Variants in DCTN5 observed in about 807,000 individuals in gnomAD.
DCTN5 encodes the protein dynactin subunit 5, also known as dynactin 4.
DCTN5 carries 14 observed loss-of-function variants against 23.5 expected under a neutral mutation model. The ratio of observed to expected loss-of-function variants is 0.60; its 90% CI spans 0.39 to 0.93. The LOEUF is 0.93. DCTN5 is among the 40% of genes least tolerant of loss of function. The pLI is 0.00. For missense variants in DCTN5, 156 were observed against 225.9 expected, an observed-to-expected ratio of 0.69 and a Z score of 1.98; for synonymous variants, 67 against 79.6, an observed-to-expected ratio of 0.84 and a Z score of 0.84.
rs1959229230 is a variant in DCTN5, at chr16:23,676,701, C to G, written c.*9557C>G. ...GTCCATATTTGAGGTTGGTCTCACC[C>G]TTTTGCATGTGGTCCTACTAATAAT... On this transcript the variant is annotated 3_prime_UTR_variant, in exon 6 of 6. Transcript: ENST00000300087. 2 of 152,200 alleles carry G rather than the reference C, an allele frequency of 1.3e-5. No homozygotes were observed. The highest frequency in any genetic ancestry group is 4.8e-5 in the African/African-American group (2 of 41,446). The allele number at this position is 152,200 out of a possible 1,614,324, so 9.4% of individuals were successfully genotyped here. A position where few individuals can be genotyped will look rare whatever the true frequency, so the allele number is the denominator to read the frequency against.
chr16:23,658,371 C>G lies in DCTN5; in HGVS notation c.118-136C>G, dbSNP rs1406423673. Reference sequence around the variant, plus strand: ...TCTCTTTTTACCTTACAATTTATTCCTTTTGGCGGAACATTTGAAACATTC... The same window carrying G: ...TCTCTTTTTACCTTACAATTTATTCGTTTTGGCGGAACATTTGAAACATTC... On this transcript the variant is annotated intron_variant, in intron 2 of 5. Transcript: ENST00000300087. The G allele has an allele frequency of 5.9e-6, 4 of 672,664 alleles. No individual in the cohort carries two copies. The African/African-American group carries it at 7.2e-5, about 12-fold the overall frequency. The allele number at this position is 672,664 out of a possible 1,614,324, so 41.7% of individuals were successfully genotyped here.
intron 2 of DCTN5, among the ~76,000 whole-genome samples, chr16:23,647,561 G>A (rs1225672527): frequency 6.6e-6 from 1 of 151,170 alleles, no homozygotes; most frequent in Non-Finnish European, 1.5e-5. Flanking sequence ...CAGGCTGGAT[G>A]CAATGGTGGA....
intron 2 of DCTN5, among the ~76,000 whole-genome samples, chr16:23,648,673 C>T (rs886297026): frequency 3.2e-4 from 49 of 151,700 alleles, no homozygotes; most frequent in African/African-American, 1.2e-3. Context: ...TTTTAAGGAA[C>T]GTTCATACTG....
At position 23,671,391 on chromosome 16, in the gene DCTN5, A is replaced by T. The variant is rs1247309439; in HGVS notation, c.*4247A>T. 1 of 152,220 alleles carries T rather than the reference A, an allele frequency of 6.6e-6. No individual in the cohort carries two copies. The highest frequency in any genetic ancestry group is 1.5e-5 in the Non-Finnish European group (1 of 68,048). 9.4% of individuals were successfully genotyped at this position (152,220 alleles called of 1,614,324 possible). On this transcript the variant is annotated 3_prime_UTR_variant, in exon 6 of 6. Coordinates refer to ENST00000300087, the MANE Select transcript of DCTN5 (RefSeq NM_032486.4). ...GCATTCTTACATATTTTTAAAATTT[A>T]AAATAAAATTTAAAACATCTTGCCC...
At chr16:23,650,860 A>T (rs1409238014) in intron 2 of DCTN5, 1 of 1,437,974 alleles carries the variant, frequency 7.0e-7, no homozygotes, top group South Asian at 1.2e-5. Flanking sequence ...TGAACAATAG[A>T]GAGTGGTGGG....
At chr16:23,645,133 A>ATT (rs1567228549) in intron 2 of DCTN5, among the ~76,000 whole-genome samples, 25 of 22,396 alleles carry the variant, frequency 1.1e-3, no homozygotes, top group Non-Finnish European at 1.6e-3. Context: ...ATATATATAT[A>ATT]TATATTTTTT....
intron 4 of DCTN5, among the ~76,000 whole-genome samples, chr16:23,661,563 C>A (rs921688938): frequency 1.3e-5 from 2 of 151,864 alleles, no homozygotes. Context: ...TACAAAAATA[C>A]AAAAATTAGC....
intron 4 of DCTN5, among the ~76,000 whole-genome samples, chr16:23,664,828 T>C (rs1195190605): frequency 6.6e-6 from 1 of 152,264 alleles, no homozygotes; most frequent in Admixed American, 6.5e-5. Flanking sequence ...TCAGGGTTTT[T>C]CCAGTTTGAA....
Position 23,650,609 on chromosome 16 carries a change from G to A in DCTN5, c.117+7586G>A, listed in dbSNP as rs576947324. 1.1e-4 allele frequency: 76 copies of A among 691,234 alleles called. No individual in the cohort carries two copies. The African/African-American group carries it at 1.3e-3, about 12-fold the overall frequency. 42.8% of individuals were successfully genotyped at this position (691,234 alleles called of 1,614,324 possible). A position where few individuals can be genotyped will look rare whatever the true frequency, so the allele number is the denominator to read the frequency against. ...CAAAGTGCTGGGATTACAGGCATGAGCCACTGCACCCGGCTGGCCCGTCTG... is the reference window on the plus strand; with the variant it reads ...CAAAGTGCTGGGATTACAGGCATGAACCACTGCACCCGGCTGGCCCGTCTG... On this transcript the variant is annotated intron_variant, in intron 2 of 5. Coordinates refer to ENST00000300087, the MANE Select transcript of DCTN5 (RefSeq NM_032486.4).
At position 23,672,108 on chromosome 16, in the gene DCTN5, T is replaced by C. The variant is rs1219436687; in HGVS notation, c.*4964T>C. ...GGAGCAGTAAGAACCTGAGGAAGAG[T>C]AGGGTCAGAGGAGTCTGGGAGAATG... On this transcript the variant is annotated 3_prime_UTR_variant, in exon 6 of 6. Transcript: ENST00000300087. 1 of 151,518 alleles carries C rather than the reference T, an allele frequency of 6.6e-6. No homozygotes were observed. The highest frequency in any genetic ancestry group is 1.9e-4 in the East Asian group (1 of 5,144). 9.4% of individuals were successfully genotyped at this position (151,518 alleles called of 1,614,324 possible). A position where few individuals can be genotyped will look rare whatever the true frequency, so the allele number is the denominator to read the frequency against.
intron 2 of DCTN5, among the ~76,000 whole-genome samples, chr16:23,651,907 C>T (rs999689334): frequency 2.0e-4 from 30 of 152,128 alleles, no homozygotes; most frequent in African/African-American, 6.7e-4. Flanking sequence ...TGATGGCATG[C>T]GCCTGTAATC....
At chr16:23,650,639 T>C in intron 2 of DCTN5, 2 of 1,018,642 alleles carry the variant, frequency 2.0e-6, no homozygotes, top group Non-Finnish European at 2.8e-6. Context: ...CGTCTGTGCA[T>C]TTTCACTGCT....
chr16:23,663,333 AC>A (rs138123402), intron 4 of DCTN5, among the ~76,000 whole-genome samples: 1,605 of 152,334 alleles, frequency 0.011, 27 homozygotes, highest in African/African-American at 0.037. Flanking sequence ...ATGCTAACTT[AC>A]TTGCACAGGA....
chr16:23,642,901 A>C, intron 1 of DCTN5, 54 bp from the exon 2 acceptor site: 1 of 1,489,860 alleles, frequency 6.7e-7, no homozygotes. Flanking sequence ...GGAAACCTGT[A>C]GTCCAGAAAC....
At chr16:23,655,522 C>A (rs538807532) in intron 2 of DCTN5, among the ~76,000 whole-genome samples, 1 of 151,784 alleles carries the variant, frequency 6.6e-6, no homozygotes, top group South Asian at 2.1e-4. Context: ...ACTATAGGCA[C>A]GTGCCACCAT....
chr16:23,664,881 ATG>A (rs897869951), intron 4 of DCTN5, among the ~76,000 whole-genome samples: 1 of 152,254 alleles, frequency 6.6e-6, no homozygotes, highest in Non-Finnish European at 1.5e-5. Context: ...AAGCTGGTGG[ATG>A]TGGAGTGGAA....
Position 23,642,859 on chromosome 16 carries a change from G to GT in DCTN5, c.49-89dup, listed in dbSNP as rs954812049. On this transcript the variant is annotated intron_variant, in intron 1 of 5. Coordinates refer to ENST00000300087, the MANE Select transcript of DCTN5 (RefSeq NM_032486.4). Reference sequence around the variant, plus strand: ...CATTGTGGACAGCACCCCACTTTATGTTTTTTTCTCTCAAATGGGAGCTTT... The same window carrying GT: ...CATTGTGGACAGCACCCCACTTTATGTTTTTTTTCTCTCAAATGGGAGCTTT... 55 of 1,113,740 alleles carry GT rather than the reference G, an allele frequency of 4.9e-5. 1 individual carries two copies. Among genetic ancestry groups the GT allele is most frequent in the African/African-American group, 3.5e-4 (23 of 65,032 alleles). The allele number at this position is 1,113,740 out of a possible 1,614,324, so 69.0% of individuals were successfully genotyped here.
At chr16:23,661,145 T>G in intron 3 of DCTN5, 25 bp from the exon 4 acceptor site, 5 of 1,532,732 alleles carry the variant, frequency 3.3e-6, no homozygotes, top group East Asian at 4.5e-5. Context: ...GACCTTTCTG[T>G]GTTCATCTTC....
Position 23,641,477 on chromosome 16 carries a change from G to C in DCTN5, c.-66G>C. 1 of 1,596,764 alleles carries C rather than the reference G, an allele frequency of 6.3e-7. No individual in the cohort carries two copies. Among genetic ancestry groups the C allele is most frequent in the East Asian group, 2.2e-5 (1 of 44,704 alleles). On this transcript the variant is annotated 5_prime_UTR_variant, in exon 1 of 6. Transcript: ENST00000300087. ...GTGGAGGAGCGGCCGGAAGTAGCCG[G>C]AATCTCTGAAAGACTGACCGACTGA...
Sources: allele counts gnomAD v4.1 joint callset (sites outside exome capture counted in the v4.1 genomes callset), GRCh38; gene constraint gnomAD v4.1.1; transcripts MANE v1.5; gene names NCBI Gene and HGNC (gene_info 2026-07-23, HGNC 2026-07-21).